LIN54: variants seen among roughly 807,000 people sequenced by gnomAD.
The protein encoded by LIN54 is lin-54 DREAM MuvB core complex component, also known as protein lin-54 homolog.
A neutral mutation model predicts 78.7 loss-of-function variants in LIN54; 9 were observed. That is an observed-to-expected ratio of 0.11 (90% CI 0.07 to 0.20). LIN54 has a LOEUF of 0.20. Among genes scored for constraint, LIN54 ranks in the 10% least tolerant of loss-of-function variants. The probability of loss-of-function intolerance (pLI) is 1.00; values close to 1 mark genes in which losing one functional copy is unlikely to be tolerated. For synonymous variants in LIN54, 269 were observed against 318.4 expected (o/e 0.84, Z 1.65); for missense variants, 573 against 889.9 (o/e 0.64, Z 4.53).
intron 1 of LIN54, among the ~76,000 whole-genome samples, chr4:83,008,547 G>A (rs1425074868): frequency 2.0e-5 from 3 of 152,298 alleles, no homozygotes; most frequent in Non-Finnish European, 4.4e-5. Flanking sequence ...AGCTACTCAG[G>A]GGGCTGAGGC....
intron 4 of LIN54, among the ~76,000 whole-genome samples, chr4:82,965,874 C>T (rs555829642): frequency 6.6e-6 from 1 of 152,274 alleles, no homozygotes; most frequent in East Asian, 1.9e-4. Flanking sequence ...AGTGCTTCAG[C>T]TTTCCTTTTG....
At chr4:82,949,388 T>TTTG (rs57137614) in intron 4 of LIN54, among the ~76,000 whole-genome samples, 27 of 151,024 alleles carry the variant, frequency 1.8e-4, no homozygotes, top group African/African-American at 3.9e-4. Context: ...TATGAGTTCT[T>TTTG]TTGTTGTTGT....
intron 4 of LIN54, among the ~76,000 whole-genome samples, chr4:82,966,820 G>C (rs1034672750): frequency 2.0e-5 from 3 of 152,084 alleles, no homozygotes; most frequent in Non-Finnish European, 4.4e-5. Flanking sequence ...ATGTTAGCCA[G>C]GCTGGTCTCG....
intron 1 of LIN54, among the ~76,000 whole-genome samples, chr4:83,000,824 A>ATTCTTTTTTTCTTT (rs1436683200): frequency 3.1e-3 from 10 of 3,218 alleles, no homozygotes; most frequent in Non-Finnish European, 4.5e-3. Context: ...AAAGCAATAA[A>ATTCTTTTTTTCTTT]TTCTTTTTTT....
chr4:83,008,773 C>T (rs536474599), intron 1 of LIN54, among the ~76,000 whole-genome samples: 91 of 152,306 alleles, frequency 6.0e-4, no homozygotes, highest in African/African-American at 1.9e-3. Context: ...TCATTTCTAA[C>T]ACACTTTTAA....
intron 1 of LIN54, among the ~76,000 whole-genome samples, chr4:82,998,542 A>AAAG (rs1553958799): frequency 4.7e-5 from 7 of 148,764 alleles, no homozygotes; most frequent in African/African-American, 1.5e-4. Context: ...TCAGAGAAAG[A>AAAG]AAAGAAAGAA....
chr4:82,998,555 G>GA (rs1728453774), intron 1 of LIN54, among the ~76,000 whole-genome samples: 2 of 79,066 alleles, frequency 2.5e-5, no homozygotes, highest in African/African-American at 4.5e-5. Flanking sequence ...AGAAAGAAAG[G>GA]AAGGAAGAGA....
intron 2 of LIN54, 78 bp downstream of exon 2, chr4:82,984,083 C>A (rs562583100): frequency 3.2e-6 from 3 of 929,346 alleles, no homozygotes; most frequent in Non-Finnish European, 4.9e-6. Context: ...TATTTAGTAA[C>A]CCTATAAACA....
At chr4:82,959,208 T>G (rs1426296919) in intron 4 of LIN54, among the ~76,000 whole-genome samples, 4 of 152,118 alleles carry the variant, frequency 2.6e-5, no homozygotes, top group African/African-American at 4.8e-5. Context: ...ATTAAAACAT[T>G]GCTGTAGAGC....
chr4:82,964,133 C>A (rs887435553), intron 4 of LIN54, among the ~76,000 whole-genome samples: 1 of 151,880 alleles, frequency 6.6e-6, no homozygotes, highest in Non-Finnish European at 1.5e-5. Context: ...TCACTGCAAC[C>A]TCCACCTCCC....
chr4:82,970,349 G>A lies in LIN54; in HGVS notation c.929C>T (p.Ser310Leu). 7.5e-6 allele frequency: 12 copies of A among 1,609,596 alleles called. No homozygotes were observed. The highest frequency in any genetic ancestry group is 1.0e-5 in the Non-Finnish European group (12 of 1,178,644). The change falls in exon 4 of 13, where the codon TCA becomes TTA. Residue 310 changes from serine (S) to leucine (L), a missense_variant. Physicochemically the swap from Ser to Leu is moderately radical, Grantham distance 145. Transcript: ENST00000340417. ...TACCTTATTTGGCGATTTCAAAGGT[G>A]AGATGGCTATTTTATTTGGTGTCTG... ...TTQTPNKIAI[S>L]PLKSPNKAVK...
At chr4:82,940,520 G>T (rs1009960795) in intron 5 of LIN54, among the ~76,000 whole-genome samples, 2 of 152,096 alleles carry the variant, frequency 1.3e-5, no homozygotes, top group East Asian at 3.9e-4. Flanking sequence ...AGCCTCCCAA[G>T]TACCCGAAGT....
Position 82,978,954 on chromosome 4 carries a change from A to T in LIN54, c.737T>A (p.Ile246Asn). ...PTSGPVITKLIFAKPINSKAV... is the reference protein window; with the variant it reads ...PTSGPVITKLNFAKPINSKAV... ...TTTACTATTAATTGGTTTTGCAAAG[A>T]TCAGCTTCGTGATTACTGGACCAGA... The change falls in exon 3 of 13, where the codon ATC becomes AAC. Residue 246 changes from isoleucine (I) to asparagine (N), a missense_variant. Ile to Asn is a moderately radical substitution (Grantham distance 149). Coordinates refer to ENST00000340417, the MANE Select transcript of LIN54 (RefSeq NM_194282.4). 1 of 1,595,938 alleles carries T rather than the reference A, an allele frequency of 6.3e-7. No individual in the cohort carries two copies. The highest frequency in any genetic ancestry group is 8.6e-7 in the Non-Finnish European group (1 of 1,167,010).
At position 82,928,050 on chromosome 4, in the gene LIN54, C is replaced by G. The variant is rs1429095967; in HGVS notation, c.*52G>C. The G allele has an allele frequency of 4.3e-5, 63 of 1,480,910 alleles. No homozygotes were observed. Among genetic ancestry groups the G allele is most frequent in the Non-Finnish European group, 5.7e-5 (60 of 1,059,366 alleles). 91.7% of individuals were successfully genotyped at this position (1,480,910 alleles called of 1,614,324 possible). ...TTTTCTTCCAGAAAATCAAGTGTCC[C>G]TGCACCTTAAATTTTCTGTACAGTT... On this transcript the variant is annotated 3_prime_UTR_variant, in exon 13 of 13. Coordinates refer to ENST00000340417, the MANE Select transcript of LIN54 (RefSeq NM_194282.4).
At chr4:83,008,649 G>A (rs940926151) in intron 1 of LIN54, among the ~76,000 whole-genome samples, 3 of 152,156 alleles carry the variant, frequency 2.0e-5, no homozygotes, top group Non-Finnish European at 4.4e-5. Context: ...TCTAGCCTGG[G>A]CGACAGAGTG....
At chr4:82,975,677 A>G (rs1302472990) in intron 3 of LIN54, among the ~76,000 whole-genome samples, 1 of 151,842 alleles carries the variant, frequency 6.6e-6, no homozygotes, top group Non-Finnish European at 1.5e-5. Flanking sequence ...GCGCCATTGC[A>G]CTCCAGCCTG....
intron 1 of LIN54, among the ~76,000 whole-genome samples, chr4:83,005,745 G>T (rs968973264): frequency 6.6e-6 from 1 of 152,010 alleles, no homozygotes; most frequent in Non-Finnish European, 1.5e-5. Context: ...ATTTCTAAAA[G>T]AATTTGACCA....
At position 82,928,320 on chromosome 4, in the gene LIN54, A is replaced by G; in HGVS notation, c.2049-17T>C. ...AATGGCAATCTGAAATGATTTTTGAAAGAGAAAGATGATGGTGGTGTTAAA... is the reference window on the plus strand; with the variant it reads ...AATGGCAATCTGAAATGATTTTTGAGAGAGAAAGATGATGGTGGTGTTAAA... On this transcript the variant is annotated splice_polypyrimidine_tract_variant and intron_variant, in intron 12 of 12. Coordinates refer to ENST00000340417, the MANE Select transcript of LIN54 (RefSeq NM_194282.4). 6.3e-7 allele frequency: 1 copy of G among 1,597,538 alleles called. No individual in the cohort carries two copies. The highest frequency in any genetic ancestry group is 1.1e-5 in the South Asian group (1 of 90,712).
chr4:82,960,519 A>T, intron 4 of LIN54, among the ~76,000 whole-genome samples: 1 of 151,732 alleles, frequency 6.6e-6, no homozygotes, highest in Middle Eastern at 3.4e-3. Flanking sequence ...ATGCAGCCTC[A>T]ACCTCCTGGG....
Sources: allele counts gnomAD v4.1 joint callset (sites outside exome capture counted in the v4.1 genomes callset), GRCh38; gene constraint gnomAD v4.1.1; transcripts MANE v1.5; gene names NCBI Gene and HGNC (gene_info 2026-07-23, HGNC 2026-07-21).